The following CEBPZOS variants were observed in gnomAD, a reference collection of about 807,000 sequenced individuals.
The protein encoded by CEBPZOS is CEBPZ opposite strand.
In CEBPZOS, 10 loss-of-function variants were observed where a neutral mutation model predicts 4.8. The observed-to-expected ratio is 2.07, with a 90% CI of 1.28 to 3.52. The LOEUF (loss-of-function observed/expected upper bound fraction) is 3.52. Among genes scored for constraint, CEBPZOS ranks in the 30% most tolerant of loss-of-function variants. The pLI is 0.00. For missense variants in CEBPZOS, 98 were observed against 43.6 expected (o/e 2.25, Z -3.51); for synonymous variants, 25 against 14.2 (o/e 1.77, Z -1.72).
downstream of CEBPZOS, chr2:37,204,834 C>T (rs1677476255): frequency 2.0e-5 from 3 of 152,280 alleles, no homozygotes; most frequent in East Asian, 5.8e-4. Flanking sequence ...TCCTTTCAGG[C>T]TAATGTCTTC....
chr2:37,203,090 A>T lies in CEBPZOS; in HGVS notation c.*1230A>T. 1 of 938,770 alleles carries T rather than the reference A, an allele frequency of 1.1e-6. No individual in the cohort carries two copies. The highest frequency in any genetic ancestry group is 1.9e-5 in the South Asian group (1 of 51,914). The allele number at this position is 938,770 out of a possible 1,614,324, so 58.2% of individuals were successfully genotyped here. ...ATGCAATGCAACATGATTTTATTTT[A>T]AAAATTATACTTGGGTAAAAACAAT... On this transcript the variant is annotated 3_prime_UTR_variant, in exon 5 of 5. Transcript: ENST00000402297.
downstream of CEBPZOS, among the ~76,000 whole-genome samples, chr2:37,208,176 A>C (rs1677602457): frequency 6.6e-6 from 1 of 152,198 alleles, no homozygotes; most frequent in African/African-American, 2.4e-5. Flanking sequence ...CCAACAAAAC[A>C]AAGTCCAGGA....
chr2:37,216,077 C>A, downstream of CEBPZOS: 1 of 1,173,990 alleles, frequency 8.5e-7, no homozygotes, highest in South Asian at 1.4e-5. Flanking sequence ...AAGAATAATA[C>A]AATTTATGCA....
At position 37,203,021 on chromosome 2, in the gene CEBPZOS, G is replaced by A. The variant is rs765833535; in HGVS notation, c.*1161G>A. 5 of 1,500,602 alleles carry A rather than the reference G, an allele frequency of 3.3e-6. No homozygotes were observed. The highest frequency in any genetic ancestry group is 4.5e-6 in the Non-Finnish European group (5 of 1,113,000). 93.0% of individuals were successfully genotyped at this position (1,500,602 alleles called of 1,614,324 possible). ...TTTTTTCTTGGCCCTAAAAAAAATT[G>A]TAAGTCTACATTATTCAATTATAAA... On this transcript the variant is annotated 3_prime_UTR_variant, in exon 5 of 5. Coordinates refer to ENST00000402297, the MANE Select transcript of CEBPZOS (RefSeq NM_001322374.2).
Position 37,204,583 on chromosome 2 carries a change from A to AT in CEBPZOS, c.*2729dup, listed in dbSNP as rs1422965615. The AT allele has an allele frequency of 6.6e-6, 1 of 152,144 alleles. No individual in the cohort carries two copies. Among genetic ancestry groups the AT allele is most frequent in the Admixed American group, 6.6e-5 (1 of 15,258 alleles). The allele number at this position is 152,144 out of a possible 1,614,324, so 9.4% of individuals were successfully genotyped here. On this transcript the variant is annotated 3_prime_UTR_variant, in exon 5 of 5. Transcript: ENST00000402297. ...GAGCCACTGCGCCCAGCCATTTTTG[A>AT]TTTTTTGTAGAGATGGGGTCTCATT...
In CEBPZOS at chr2:37,202,673, AAAAAAAAAAAAAAAAAAAAGAAT is replaced by A. The variant is rs1677324332; in HGVS notation, c.*817_*839del. On this transcript the variant is annotated 3_prime_UTR_variant, in exon 5 of 5. Transcript: ENST00000402297. ...AAAAAAAAAAAAAAAAAAAAAAAAAAAAAAAAAAAAAAAAAAAAAGAATAAATAAAATAACGAAAATTTCCTAT... is the reference window on the plus strand; with the variant it reads ...AAAAAAAAAAAAAAAAAAAAAAAAAAAAATAAAATAACGAAAATTTCCTAT... The A allele has an allele frequency of 2.3e-5, 4 of 177,242 alleles. No individual in the cohort carries two copies. The highest frequency in any genetic ancestry group is 1.6e-4 in the African/African-American group (4 of 25,402). The allele number at this position is 177,242 out of a possible 1,614,324, so 11.0% of individuals were successfully genotyped here. A position where few individuals can be genotyped will look rare whatever the true frequency, so the allele number is the denominator to read the frequency against.
intron 2 of CEBPZOS, among the ~76,000 whole-genome samples, chr2:37,200,809 C>G (rs1677188021): frequency 6.6e-6 from 1 of 152,144 alleles, no homozygotes; most frequent in East Asian, 1.9e-4. Flanking sequence ...CCAGGGGGGT[C>G]TAGGCAGTGG....
chr2:37,213,832 T>C (rs890023112), downstream of CEBPZOS: 10 of 1,439,410 alleles, frequency 6.9e-6, no homozygotes, highest in African/African-American at 7.0e-5. Flanking sequence ...TAGTAGTAGA[T>C]TATTTTACAA....
intron 4 of CEBPZOS, chr2:37,213,419 G>GT (rs1032800366): frequency 0.014 from 2,078 of 148,030 alleles, 44 homozygotes; most frequent in African/African-American, 0.046. Context: ...TGTTTCTTTT[G>GT]TTTTTTTTTT....
In CEBPZOS at chr2:37,202,750, T is replaced by A; in HGVS notation, c.*890T>A. ...CTGAAGTTCCAAGCCAAAGCTATTT[T>A]TAAAACATCAATAAAAAAATTTAAG... On this transcript the variant is annotated 3_prime_UTR_variant, in exon 5 of 5. Transcript: ENST00000402297. The A allele has an allele frequency of 7.5e-7, 1 of 1,328,396 alleles. No individual in the cohort carries two copies. The allele number at this position is 1,328,396 out of a possible 1,614,324, so 82.3% of individuals were successfully genotyped here. A position where few individuals can be genotyped will look rare whatever the true frequency, so the allele number is the denominator to read the frequency against.
At chr2:37,205,908 G>A (rs1320010575), downstream of CEBPZOS, among the ~76,000 whole-genome samples, 1 of 152,174 alleles carries the variant, frequency 6.6e-6, no homozygotes, top group Non-Finnish European at 1.5e-5. Flanking sequence ...CATAATAAAG[G>A]AGCATGGATT....
At chr2:37,197,252 AG>A (rs1676988950) in intron 1 of CEBPZOS, 1 of 152,286 alleles carries the variant, frequency 6.6e-6, no homozygotes, top group Admixed American at 6.5e-5. Flanking sequence ...GTGGGTGGAC[AG>A]GTGTATCCCT....
Position 37,202,824 on chromosome 2 carries a change from A to C in CEBPZOS, c.*964A>C, listed in dbSNP as rs1214096532. On this transcript the variant is annotated 3_prime_UTR_variant, in exon 5 of 5. Coordinates refer to ENST00000402297, the MANE Select transcript of CEBPZOS (RefSeq NM_001322374.2). The stretch of plus-strand genomic sequence containing the variant: ...TAGCCATGGCATTCATGCCAATGTT[A>C]TCAAACTTGGATCCCATATTTTCAT... 2 of 1,600,656 alleles carry C rather than the reference A, an allele frequency of 1.2e-6. No individual in the cohort carries two copies. The highest frequency in any genetic ancestry group is 1.7e-5 in the Admixed American group (1 of 58,140).
At chr2:37,213,934 C>T, downstream of CEBPZOS, 1 of 1,583,594 alleles carries the variant, frequency 6.3e-7, no homozygotes, top group African/African-American at 1.4e-5. Flanking sequence ...GTTTTTGTTT[C>T]TCTTTAACAG....
rs1339847241 is a variant in CEBPZOS at position 37,202,380 on chromosome 2, C to T, written c.*520C>T. Reference sequence around the variant, plus strand: ...TTCCTATCAGCCAGGCATGGTGGCTCACACCAGTAATCTCAGCACTTTGGG... The same window carrying T: ...TTCCTATCAGCCAGGCATGGTGGCTTACACCAGTAATCTCAGCACTTTGGG... On this transcript the variant is annotated 3_prime_UTR_variant, in exon 5 of 5. Transcript: ENST00000402297. The T allele has an allele frequency of 1.2e-5, 2 of 164,548 alleles. No individual in the cohort carries two copies. The highest frequency in any genetic ancestry group is 1.7e-4 in the East Asian group (1 of 5,762). 10.2% of individuals were successfully genotyped at this position (164,548 alleles called of 1,614,324 possible).
chr2:37,205,292 C>G (rs547984536), downstream of CEBPZOS, among the ~76,000 whole-genome samples: 3 of 152,140 alleles, frequency 2.0e-5, no homozygotes, highest in East Asian at 3.8e-4. Flanking sequence ...TCCAGATGGT[C>G]GGTTCCTGCC....
chr2:37,211,285 C>A, intron 4 of CEBPZOS: 1 of 385,640 alleles, frequency 2.6e-6, no homozygotes. Flanking sequence ...ATATTTTGTG[C>A]AAGTACAAAA....
chr2:37,196,555 CGG>C (rs1460363268), intron 1 of CEBPZOS, 35 bp downstream of exon 1: 1 of 152,324 alleles, frequency 6.6e-6, no homozygotes, highest in Non-Finnish European at 1.5e-5. Context: ...CATGGGCGGT[CGG>C]ATTTCGGGGT....
In CEBPZOS at chr2:37,202,887, T is replaced by C; in HGVS notation, c.*1027T>C. ...CAAACTTTTAAACAAAAACGATAAATTTATTAGAAAACTAAAAATAATGTA... is the reference window on the plus strand; with the variant it reads ...CAAACTTTTAAACAAAAACGATAAACTTATTAGAAAACTAAAAATAATGTA... On this transcript the variant is annotated 3_prime_UTR_variant, in exon 5 of 5. Coordinates refer to ENST00000402297, the MANE Select transcript of CEBPZOS (RefSeq NM_001322374.2). The C allele has an allele frequency of 3.1e-6, 5 of 1,595,732 alleles. No individual in the cohort carries two copies. The highest frequency in any genetic ancestry group is 3.4e-6 in the Non-Finnish European group (4 of 1,170,398).
Sources: gnomAD v4.1 joint callset for allele counts (sites outside exome capture counted in the v4.1 genomes callset) on GRCh38, gnomAD v4.1.1 for gene constraint, MANE v1.5 for transcripts, NCBI Gene and HGNC (gene_info 2026-07-23, HGNC 2026-07-21) for gene names.